GABRG3: variants seen among roughly 807,000 people sequenced by gnomAD.
GABRG3 encodes the protein gamma-aminobutyric acid receptor subunit gamma-3.
A neutral mutation model predicts 48.8 loss-of-function variants in GABRG3; 25 were observed. The ratio of observed to expected loss-of-function variants is 0.51; its 90% CI spans 0.37 to 0.72. The LOEUF (loss-of-function observed/expected upper bound fraction) is 0.72. GABRG3 is among the 30% of genes least tolerant of loss of function. The pLI is 0.00. For missense variants in GABRG3, 394 were observed against 577.9 expected (o/e 0.68, Z 3.26); for synonymous variants, 227 against 217.6 (o/e 1.04, Z -0.38).
At chr15:27,060,149 G>A (rs943171525) in intron 3 of GABRG3, among the ~76,000 whole-genome samples, 2 of 152,210 alleles carry the variant, frequency 1.3e-5, no homozygotes, top group African/African-American at 4.8e-5. Flanking sequence ...TAACATTTTT[G>A]TATCTAACTG....
chr15:27,390,210 C>G (rs72705711), intron 5 of GABRG3, among the ~76,000 whole-genome samples: 9,364 of 152,220 alleles, frequency 0.062, 374 homozygotes, highest in East Asian at 0.18. Context: ...TTGCTTCTTT[C>G]GTATATTACG....
intron 5 of GABRG3, among the ~76,000 whole-genome samples, chr15:27,429,731 G>A (rs1230940487): frequency 2.6e-5 from 4 of 152,156 alleles, no homozygotes; most frequent in Non-Finnish European, 4.4e-5. Context: ...CTACCTCATA[G>A]CTTATATTAG....
intron 4 of GABRG3, 61 bp from the exon 5 acceptor site, chr15:27,328,745 C>G (rs1008366156): frequency 4.1e-6 from 6 of 1,463,314 alleles, no homozygotes; most frequent in Middle Eastern, 1.7e-4. Flanking sequence ...GGTGCCGTAA[C>G]GGCCGCCGGC....
chr15:27,358,774 T>C (rs1280319946), intron 5 of GABRG3, among the ~76,000 whole-genome samples: 1 of 152,210 alleles, frequency 6.6e-6, no homozygotes, highest in Non-Finnish European at 1.5e-5. Flanking sequence ...GGCTAAGTGG[T>C]GTGCCCCCGA....
intron 3 of GABRG3, among the ~76,000 whole-genome samples, chr15:27,098,096 T>C (rs1897295986): frequency 6.6e-6 from 1 of 152,128 alleles, no homozygotes; most frequent in South Asian, 2.1e-4. Flanking sequence ...TTTTTGTTAA[T>C]ATGCTCTGAG....
chr15:27,005,019 C>T (rs1206659296), intron 2 of GABRG3, among the ~76,000 whole-genome samples: 1 of 152,020 alleles, frequency 6.6e-6, no homozygotes, highest in Admixed American at 6.6e-5. Flanking sequence ...TGGGCCCCTC[C>T]GGGTGGTCAT....
At position 27,042,631 on chromosome 15, in the gene GABRG3, C is replaced by T. The variant is rs77595271; in HGVS notation, c.270+15810C>T. 4.0e-3 allele frequency among the ~76,000 whole-genome samples: 602 copies of T among 152,360 alleles called. 4 individuals carry two copies. Among genetic ancestry groups the T allele is most frequent in the African/African-American group, 0.014 (567 of 41,594 alleles). Reference sequence around the variant, plus strand: ...CTCGCTGGTGCAATTCTGTGGGAGCCGCCCCTTGCTTCATGCTCCCTTGGC... The same window carrying T: ...CTCGCTGGTGCAATTCTGTGGGAGCTGCCCCTTGCTTCATGCTCCCTTGGC... On this transcript the variant is annotated intron_variant, in intron 3 of 9. Coordinates refer to ENST00000615808, the MANE Select transcript of GABRG3 (RefSeq NM_033223.5).
chr15:27,232,282 T>C (rs912429622), intron 3 of GABRG3, among the ~76,000 whole-genome samples: 17 of 152,170 alleles, frequency 1.1e-4, no homozygotes, highest in Non-Finnish European at 2.5e-4. Context: ...CAGATTATAA[T>C]AACTCAGTAC....
intron 5 of GABRG3, among the ~76,000 whole-genome samples, chr15:27,456,294 T>C (rs889274694): frequency 5.9e-5 from 9 of 151,972 alleles, no homozygotes; most frequent in African/African-American, 2.2e-4. Context: ...TCAAGAACTG[T>C]AGGACAATAG....
At chr15:27,294,223 CTTTTT>C (rs1162063750) in intron 3 of GABRG3, among the ~76,000 whole-genome samples, 2 of 129,286 alleles carry the variant, frequency 1.5e-5, no homozygotes, top group African/African-American at 6.2e-5. Context: ...TTTCTTTTTC[CTTTTT>C]TTTTTTTTTT....
intron 5 of GABRG3, among the ~76,000 whole-genome samples, chr15:27,367,204 G>T (rs1462894059): frequency 6.6e-6 from 1 of 152,060 alleles, no homozygotes; most frequent in Non-Finnish European, 1.5e-5. Flanking sequence ...CCCCCTACAA[G>T]GACACCCTGC....
At chr15:27,122,988 A>G (rs1897757349) in intron 3 of GABRG3, among the ~76,000 whole-genome samples, 1 of 152,218 alleles carries the variant, frequency 6.6e-6, no homozygotes, top group South Asian at 2.1e-4. Flanking sequence ...GATGAAGGGC[A>G]AAGATGGGCC....
chr15:27,436,698 C>T (rs1352457929), intron 5 of GABRG3, among the ~76,000 whole-genome samples: 1 of 152,084 alleles, frequency 6.6e-6, no homozygotes, highest in African/African-American at 2.4e-5. Context: ...GAATTAAAGC[C>T]ATGGGACTGA....
At chr15:27,354,380 A>G (rs1474935672) in intron 5 of GABRG3, among the ~76,000 whole-genome samples, 2 of 152,174 alleles carry the variant, frequency 1.3e-5, no homozygotes, top group African/African-American at 2.4e-5. Context: ...CTAATCAACA[A>G]AAGCAAATCC....
chr15:27,132,801 A>G (rs962913713), intron 3 of GABRG3, among the ~76,000 whole-genome samples: 1 of 150,328 alleles, frequency 6.7e-6, no homozygotes, highest in Non-Finnish European at 1.5e-5. Flanking sequence ...TATTCCATTT[A>G]TCTGTGCTCT....
At chr15:27,209,408 G>A (rs537543623) in intron 3 of GABRG3, among the ~76,000 whole-genome samples, 1 of 122,698 alleles carries the variant, frequency 8.2e-6, no homozygotes, top group South Asian at 2.5e-4. Flanking sequence ...TTTTTTTTTT[G>A]AGATGGACTC....
intron 3 of GABRG3, among the ~76,000 whole-genome samples, chr15:27,269,308 C>T (rs555171588): frequency 6.6e-6 from 1 of 152,290 alleles, no homozygotes; most frequent in African/African-American, 2.4e-5. Context: ...CTACTTTATC[C>T]TGTACCTCCC....
rs1051400912 is a variant in GABRG3, at chr15:27,447,701, G to A, written c.575-32949G>A. On this transcript the variant is annotated intron_variant, in intron 5 of 9. Coordinates refer to ENST00000615808, the MANE Select transcript of GABRG3 (RefSeq NM_033223.5). The surrounding 1 kb of genome is among the most constrained non-coding windows in gnomAD (Gnocchi z 4.0). Reference sequence around the variant, plus strand: ...AAAGGATGAGTTCATTTCCTTTGCAGAGACATGGATGACACTGGAAACCAT... The same window carrying A: ...AAAGGATGAGTTCATTTCCTTTGCAAAGACATGGATGACACTGGAAACCAT... Among the ~76,000 whole-genome samples the A allele has an allele frequency of 2.0e-5, 3 of 152,178 alleles. No homozygotes were observed. Among genetic ancestry groups the A allele is most frequent in the Admixed American group, 2.0e-4 (3 of 15,286 alleles).
At position 27,425,923 on chromosome 15, in the gene GABRG3, C is replaced by A. The variant is rs140309959; in HGVS notation, c.575-54727C>A. ...AAAGTGGTTCACTTTTTGAAAAGAG[C>A]TTGACTTAACAAGTGAAGAAGCTGG... On this transcript the variant is annotated intron_variant, in intron 5 of 9. Transcript: ENST00000615808. Among the ~76,000 whole-genome samples, 581 of 152,210 alleles carry A rather than the reference C, an allele frequency of 3.8e-3. 1 individual carries two copies. The highest frequency in any genetic ancestry group is 9.1e-3 in the African/African-American group (378 of 41,540).
Sources: allele counts gnomAD v4.1 joint callset (sites outside exome capture counted in the v4.1 genomes callset), GRCh38; gene constraint gnomAD v4.1.1; non-coding constraint Gnocchi (gnomAD v3.1); transcripts MANE v1.5; gene names NCBI Gene and HGNC (gene_info 2026-07-23, HGNC 2026-07-21).